RABL2A: variants seen among roughly 807,000 people sequenced by gnomAD.
RABL2A encodes RAB, member of RAS oncogene family like 2A.
Under a neutral mutation model 30.7 loss-of-function variants are expected in RABL2A, and 17 were observed. That is an observed-to-expected ratio of 0.55 (90% CI 0.38 to 0.83). The LOEUF (loss-of-function observed/expected upper bound fraction) is 0.83. Among genes scored for constraint, RABL2A ranks in the 40% least tolerant of loss-of-function variants. RABL2A has a pLI of 0.00. For synonymous variants in RABL2A, 64 were observed against 101.8 expected (o/e 0.63, Z 2.24); for missense variants, 155 against 272.6 (o/e 0.57, Z 3.04).
chr2:113,639,213 G>C (rs958343920), intron 5 of RABL2A, among the ~76,000 whole-genome samples: 1 of 152,164 alleles, frequency 6.6e-6, no homozygotes, highest in Non-Finnish European at 1.5e-5. Flanking sequence ...CTGGAGCCCA[G>C]GGGGTGGAGG....
intron 3 of RABL2A, chr2:113,633,511 C>A (rs1017336292): frequency 5.0e-6 from 1 of 201,100 alleles, no homozygotes; most frequent in African/African-American, 2.5e-5. Flanking sequence ...GCTGCCTGTC[C>A]TAGGCTCGGC....
chr2:113,634,080 A>G lies in RABL2A; in HGVS notation c.138-73A>G, dbSNP rs1047612349. On this transcript the variant is annotated intron_variant, in intron 3 of 8. Transcript: ENST00000683472. ...AGGAGGGAGAGGATCCATTTCATCA[A>G]ACCAAACACCCCTGCTCCCCACTCC... 47 of 1,543,210 alleles carry G rather than the reference A, an allele frequency of 3.0e-5. No individual in the cohort carries two copies. The African/African-American group carries it at 5.8e-4, about 19-fold the overall frequency.
At chr2:113,637,810 T>G in intron 5 of RABL2A, 1 of 1,283,758 alleles carries the variant, frequency 7.8e-7, no homozygotes, top group Admixed American at 2.3e-5. Context: ...TTGGAGTGAC[T>G]GCTTCCTGCA....
At chr2:113,639,685 G>A (rs1457819207) in intron 5 of RABL2A, among the ~76,000 whole-genome samples, 1 of 151,208 alleles carries the variant, frequency 6.6e-6, no homozygotes, top group Non-Finnish European at 1.5e-5. Context: ...GCAAAACCCT[G>A]TCTCTACTAA....
At chr2:113,636,975 C>G (rs113976213) in intron 5 of RABL2A, among the ~76,000 whole-genome samples, 14,771 of 146,826 alleles carry the variant, frequency 0.1, 844 homozygotes, top group South Asian at 0.13. Flanking sequence ...GGCAACAGAG[C>G]GAGACTCTGT....
chr2:113,639,850 C>T (rs1051860641), intron 5 of RABL2A, among the ~76,000 whole-genome samples: 5 of 94,006 alleles, frequency 5.3e-5, no homozygotes, highest in Admixed American at 9.6e-5. Flanking sequence ...AGTGAGACTC[C>T]GTCTAAAAAA....
chr2:113,640,566 G>A (rs1377534805), intron 5 of RABL2A: 2 of 319,504 alleles, frequency 6.3e-6, no homozygotes, highest in Non-Finnish European at 1.2e-5. Context: ...TAGTAGAGAC[G>A]GAATTTCACC....
rs1305118722 is a variant in RABL2A, at chr2:113,642,956, G to C, written c.*827G>C. ...CATCTGTTTTTAAACAATCGTTTTT[G>C]AGCAGATAGCTATTCATTCCAGATT... is the stretch of plus-strand genomic sequence containing the variant. On this transcript the variant is annotated 3_prime_UTR_variant, in exon 9 of 9. Coordinates refer to ENST00000683472, the MANE Select transcript of RABL2A (RefSeq NM_001306158.2). 3.0e-6 allele frequency: 1 copy of C among 335,658 alleles called. No individual in the cohort carries two copies. 20.8% of individuals were successfully genotyped at this position (335,658 alleles called of 1,614,324 possible). A position where few individuals can be genotyped will look rare whatever the true frequency, so the allele number is the denominator to read the frequency against.
chr2:113,629,366 CT>C (rs2104479342), intron 2 of RABL2A, among the ~76,000 whole-genome samples: 1 of 152,304 alleles, frequency 6.6e-6, no homozygotes, highest in South Asian at 2.1e-4. Flanking sequence ...CCAGGCCCAC[CT>C]TGGTTTCTAC....
At chr2:113,636,274 T>C (rs1682684569) in intron 5 of RABL2A, among the ~76,000 whole-genome samples, 1 of 152,092 alleles carries the variant, frequency 6.6e-6, no homozygotes, top group Non-Finnish European at 1.5e-5. Flanking sequence ...ACCCCAAAAC[T>C]TGGCGGTACA....
chr2:113,642,294 G>T lies in RABL2A; in HGVS notation c.*165G>T, dbSNP rs1685484021. On this transcript the variant is annotated 3_prime_UTR_variant, in exon 9 of 9. Coordinates refer to ENST00000683472, the MANE Select transcript of RABL2A (RefSeq NM_001306158.2). The stretch of plus-strand genomic sequence containing the variant: ...TCAAGGCCCGTGATACAGGGATGAG[G>T]TCAGCACCAGCAAACTCTGGACTGG... 3 of 1,439,988 alleles carry T rather than the reference G, an allele frequency of 2.1e-6. No individual in the cohort carries two copies. Among genetic ancestry groups the T allele is most frequent in the Non-Finnish European group, 2.8e-6 (3 of 1,088,068 alleles). 89.2% of individuals were successfully genotyped at this position (1,439,988 alleles called of 1,614,324 possible).
rs1192547196 is a variant in RABL2A at position 113,642,908 on chromosome 2, G to A, written c.*779G>A. On this transcript the variant is annotated 3_prime_UTR_variant, in exon 9 of 9. Transcript: ENST00000683472. Reference sequence around the variant, plus strand: ...CCCAAAGTGCTGGGATTACAGGCATGAGCCACCGCGCCCGGCCCCAATCAT... The same window carrying A: ...CCCAAAGTGCTGGGATTACAGGCATAAGCCACCGCGCCCGGCCCCAATCAT... The A allele has an allele frequency of 3.5e-5, 11 of 313,468 alleles. No individual in the cohort carries two copies. The highest frequency in any genetic ancestry group is 5.0e-5 in the Non-Finnish European group (8 of 161,328). 19.4% of individuals were successfully genotyped at this position (313,468 alleles called of 1,614,324 possible). A position where few individuals can be genotyped will look rare whatever the true frequency, so the allele number is the denominator to read the frequency against.
Position 113,638,737 on chromosome 2 carries a change from G to A in RABL2A, c.298-2157G>A, listed in dbSNP as rs1476032706. The A allele has an allele frequency of 1.2e-4, 29 of 234,910 alleles. No individual in the cohort carries two copies. The East Asian group carries it at 1.5e-3, about 12-fold the overall frequency. 14.6% of individuals were successfully genotyped at this position (234,910 alleles called of 1,614,324 possible). A position where few individuals can be genotyped will look rare whatever the true frequency, so the allele number is the denominator to read the frequency against. ...ACAAAAATTAGCCAGGCGTGGTGGC[G>A]CGCACCTGTAATCCAGCTACTCAGG... is the stretch of plus-strand genomic sequence containing the variant. On this transcript the variant is annotated intron_variant, in intron 5 of 8. Coordinates refer to ENST00000683472, the MANE Select transcript of RABL2A (RefSeq NM_001306158.2).
Position 113,638,445 on chromosome 2 carries a change from G to T in RABL2A, c.298-2449G>T, listed in dbSNP as rs562824498. On this transcript the variant is annotated intron_variant, in intron 5 of 8. Coordinates refer to ENST00000683472, the MANE Select transcript of RABL2A (RefSeq NM_001306158.2). Reference sequence around the variant, plus strand: ...CTGACTGTTGTACTAGGGCAGTTTGGGCTAGACACTTTGGAGGAGCTCCTG... The same window carrying T: ...CTGACTGTTGTACTAGGGCAGTTTGTGCTAGACACTTTGGAGGAGCTCCTG... 5 of 985,332 alleles carry T rather than the reference G, an allele frequency of 5.1e-6. No homozygotes were observed. In the East Asian group the frequency reaches 3.4e-4, roughly 67 times the overall value. The allele number at this position is 985,332 out of a possible 1,614,324, so 61.0% of individuals were successfully genotyped here.
At chr2:113,641,227 T>C in intron 6 of RABL2A, 126 bp from the exon 7 acceptor site, 3 of 1,508,978 alleles carry the variant, frequency 2.0e-6, no homozygotes, top group Non-Finnish European at 2.7e-6. Context: ...AACTGAGCTC[T>C]TTCTAGGACA....
chr2:113,633,028 T>C lies in RABL2A; in HGVS notation c.137+84T>C, dbSNP rs539313809. ...CAGTGTCCCACTGCCCACCCCTTTG[T>C]ACCAGCAGCCCAGGAACAGGAAGGA... On this transcript the variant is annotated intron_variant, in intron 3 of 8. Transcript: ENST00000683472. 1.9e-4 allele frequency: 308 copies of C among 1,602,270 alleles called. 2 individuals carry two copies. In the Middle Eastern group the frequency reaches 2.8e-3, roughly 15 times the overall value.
rs143681374 is a variant in RABL2A at position 113,639,748 on chromosome 2, G to T, written c.298-1146G>T. ...GCGCACACCTGTAGTCCCAGCTACT[G>T]AGGAGGCTGAGACAAGAGAATCACT... is the stretch of plus-strand genomic sequence containing the variant. On this transcript the variant is annotated intron_variant, in intron 5 of 8. Coordinates refer to ENST00000683472, the MANE Select transcript of RABL2A (RefSeq NM_001306158.2). Among the ~76,000 whole-genome samples, 1,008 of 151,822 alleles carry T rather than the reference G, an allele frequency of 6.6e-3. 13 individuals are homozygous for T. The highest frequency in any genetic ancestry group is 0.023 in the African/African-American group (965 of 41,358).
At chr2:113,640,666 T>C in intron 5 of RABL2A, 1 of 529,320 alleles carries the variant, frequency 1.9e-6, no homozygotes, top group South Asian at 2.0e-5. Flanking sequence ...TGTGAGCCAC[T>C]GCACTGGGCC....
intron 2 of RABL2A, among the ~76,000 whole-genome samples, chr2:113,631,203 G>A (rs985252877): frequency 7.9e-5 from 12 of 152,298 alleles, no homozygotes; most frequent in African/African-American, 2.6e-4. Flanking sequence ...CCAACAAGAC[G>A]TGGCTTTCTG....
Sources: gnomAD v4.1 joint callset for allele counts (sites outside exome capture counted in the v4.1 genomes callset) on GRCh38, gnomAD v4.1.1 for gene constraint, MANE v1.5 for transcripts, NCBI Gene and HGNC (gene_info 2026-07-23, HGNC 2026-07-21) for gene names.